Variants in PRKD1 observed in about 807,000 individuals in gnomAD.
The protein encoded by PRKD1 is protein kinase D1.
In PRKD1, 63 loss-of-function variants were observed where a neutral mutation model predicts 95.9. The observed-to-expected ratio is 0.66, with a 90% CI of 0.54 to 0.81. The LOEUF is 0.81. Ranked by LOEUF, PRKD1 falls within the 30% of genes least tolerant of loss-of-function variation. The pLI is 0.00. For synonymous variants in PRKD1, 425 were observed against 423.1 expected, an observed-to-expected ratio of 1.00 and a Z score of -0.05; for missense variants, 1,048 against 1,165.3, an observed-to-expected ratio of 0.90 and a Z score of 1.47.
chr14:29,737,047 G>A (rs1886750419), intron 1 of PRKD1, among the ~76,000 whole-genome samples: 2 of 152,066 alleles, frequency 1.3e-5, no homozygotes, highest in Non-Finnish European at 2.9e-5. Context: ...ACTCGGCCGG[G>A]CGCGGTGGCT....
At chr14:29,775,872 T>A (rs1594507038) in intron 1 of PRKD1, among the ~76,000 whole-genome samples, 2 of 152,008 alleles carry the variant, frequency 1.3e-5, no homozygotes, top group Non-Finnish European at 2.9e-5. Context: ...GACCCCCGAG[T>A]AGCCTAACTG....
At chr14:29,888,231 G>C (rs1396706250) in intron 1 of PRKD1, among the ~76,000 whole-genome samples, 4 of 151,968 alleles carry the variant, frequency 2.6e-5, no homozygotes, top group Non-Finnish European at 5.9e-5. Context: ...TTAAGCCCAG[G>C]AGTGATCCTA....
In PRKD1 at chr14:29,611,272, ATCT is replaced by A. The variant is rs908663154; in HGVS notation, c.1906-11458_1906-11456del. On this transcript the variant is annotated intron_variant, in intron 13 of 17. Transcript: ENST00000331968. ...CAAGGTGTATATGGGAAATCACTGT[ATCT>A]TCTTCTTAATTTTGCTGTGACATTA... Among the ~76,000 whole-genome samples the A allele has an allele frequency of 3.0e-4, 46 of 152,274 alleles. No homozygotes were observed. The East Asian group carries it at 4.4e-3, about 15-fold the overall frequency.
intron 12 of PRKD1, among the ~76,000 whole-genome samples, chr14:29,625,303 T>G (rs571929920): frequency 6.6e-6 from 1 of 152,186 alleles, no homozygotes; most frequent in African/African-American, 2.4e-5. Context: ...TCATCTCTAC[T>G]CCTCCGTCAC....
intron 1 of PRKD1, among the ~76,000 whole-genome samples, chr14:29,773,016 T>C (rs944833233): frequency 3.3e-5 from 5 of 152,340 alleles, no homozygotes; most frequent in African/African-American, 1.2e-4. Flanking sequence ...TGACTTAAGA[T>C]TTCTTAGTTC....
Position 29,725,528 on chromosome 14 carries a change from T to A in PRKD1, c.403+8A>T. ...TACGGATAAAGAAAAGGTATAAAAG[T>A]ATACTACCTGACAAGACCACTTCAA... On this transcript the variant is annotated splice_region_variant and intron_variant, in intron 2 of 17. Coordinates refer to ENST00000331968, the MANE Select transcript of PRKD1 (RefSeq NM_002742.3). 1 of 1,612,326 alleles carries A rather than the reference T, an allele frequency of 6.2e-7. No homozygotes were observed. The highest frequency in any genetic ancestry group is 8.5e-7 in the Non-Finnish European group (1 of 1,179,030).
At chr14:29,900,977 C>T (rs1033270215) in intron 1 of PRKD1, among the ~76,000 whole-genome samples, 7 of 152,178 alleles carry the variant, frequency 4.6e-5, no homozygotes, top group East Asian at 1.9e-4. Context: ...CCCAGCAATC[C>T]TCCTACTGGG....
At chr14:29,852,535 G>GGAGAGAGAGA (rs34211278) in intron 1 of PRKD1, among the ~76,000 whole-genome samples, 142 of 149,228 alleles carry the variant, frequency 9.5e-4, no homozygotes, top group African/African-American at 3.3e-3. Context: ...ACCAGAAGGA[G>GGAGAGAGAGA]GAGAGAGAGA....
chr14:29,836,028 G>T (rs1594563538), intron 1 of PRKD1, among the ~76,000 whole-genome samples: 1 of 152,176 alleles, frequency 6.6e-6, no homozygotes, highest in African/African-American at 2.4e-5. Context: ...TAAGTATCAT[G>T]GGAGATCAGA....
At chr14:29,631,207 C>T (rs1879985696) in intron 9 of PRKD1, among the ~76,000 whole-genome samples, 186 bp from the exon 10 acceptor site, 1 of 152,022 alleles carries the variant, frequency 6.6e-6, no homozygotes, top group Non-Finnish European at 1.5e-5. Context: ...CTATGGGAAA[C>T]CTTATTTCCT....
At chr14:29,620,937 C>A (rs1434483377) in intron 13 of PRKD1, among the ~76,000 whole-genome samples, 1 of 151,854 alleles carries the variant, frequency 6.6e-6, no homozygotes. Flanking sequence ...AAATGTCCAA[C>A]AATGATAGAC....
chr14:29,594,218 C>T (rs1313943532), intron 16 of PRKD1: 3 of 423,196 alleles, frequency 7.1e-6, no homozygotes, highest in Non-Finnish European at 1.4e-5. Context: ...AATTCTGACA[C>T]ATCTATGCAT....
intron 2 of PRKD1, among the ~76,000 whole-genome samples, chr14:29,674,971 C>A (rs1357796059): frequency 2.0e-5 from 3 of 152,140 alleles, no homozygotes; most frequent in Admixed American, 2.0e-4. Flanking sequence ...AACAACAAAA[C>A]CTTGAAAAGC....
chr14:29,804,330 G>C (rs944227512), intron 1 of PRKD1, among the ~76,000 whole-genome samples: 2 of 151,938 alleles, frequency 1.3e-5, no homozygotes, highest in Non-Finnish European at 2.9e-5. Context: ...AAAAAGCAAT[G>C]TTCTCCAGCT....
At chr14:29,913,787 C>T (rs10133885) in intron 1 of PRKD1, among the ~76,000 whole-genome samples, 11,618 of 152,210 alleles carry the variant, frequency 0.076, 689 homozygotes, top group African/African-American at 0.16. Flanking sequence ...CAACAACTGA[C>T]GCCCTGTGTC....
intron 1 of PRKD1, among the ~76,000 whole-genome samples, chr14:29,889,994 G>C (rs1216004207): frequency 6.6e-6 from 1 of 152,202 alleles, no homozygotes; most frequent in African/African-American, 2.4e-5. Context: ...ACAGAAGGGA[G>C]TAGAAAGGAA....
At chr14:29,645,786 T>C (rs1255506879) in intron 4 of PRKD1, among the ~76,000 whole-genome samples, 1 of 152,156 alleles carries the variant, frequency 6.6e-6, no homozygotes, top group Admixed American at 6.5e-5. Context: ...GGTTTCCTCC[T>C]TATTCTTCAG....
chr14:29,628,860 T>A (rs760392683), intron 11 of PRKD1, among the ~76,000 whole-genome samples, 181 bp downstream of exon 11: 2 of 137,216 alleles, frequency 1.5e-5, no homozygotes, highest in African/African-American at 6.2e-5. Context: ...GAATTGATTA[T>A]AGAAAAATTA....
At chr14:29,700,198 A>G (rs539040326) in intron 2 of PRKD1, among the ~76,000 whole-genome samples, 56 of 152,272 alleles carry the variant, frequency 3.7e-4, no homozygotes, top group African/African-American at 1.3e-3. Context: ...AGACATTCGC[A>G]TACATAATTA....
Sources: allele counts gnomAD v4.1 joint callset (sites outside exome capture counted in the v4.1 genomes callset), GRCh38; gene constraint gnomAD v4.1.1; transcripts MANE v1.5; gene names NCBI Gene and HGNC (gene_info 2026-07-23, HGNC 2026-07-21).